The following EML4 variants were observed in gnomAD, a reference collection of about 807,000 sequenced individuals.
EML4 encodes echinoderm microtubule-associated protein-like 4.
In EML4, 72 loss-of-function variants were observed where a neutral mutation model predicts 129.0. The ratio of observed to expected loss-of-function variants is 0.56; its 90% confidence interval spans 0.46 to 0.68. The LOEUF (loss-of-function observed/expected upper bound fraction) is 0.68, where lower values mean the gene tolerates loss of function less well. Among genes scored for constraint, EML4 ranks in the 30% least tolerant of loss-of-function variants. The probability of loss-of-function intolerance (pLI) is 0.00; values close to 1 mark genes in which losing one functional copy is unlikely to be tolerated. For missense variants in EML4, 1,363 were observed against 1,190.6 expected (o/e 1.14, Z -2.13); for synonymous variants, 532 against 405.0 (o/e 1.31, Z -3.77).
At chr2:42,187,273 T>G (rs563387229) in intron 1 of EML4, among the ~76,000 whole-genome samples, 1 of 152,124 alleles carries the variant, frequency 6.6e-6, no homozygotes, top group Non-Finnish European at 1.5e-5. Context: ...GGTCTTGAAC[T>G]CTGGGCTCAA....
chr2:42,191,521 A>T (rs1014755152), intron 1 of EML4, among the ~76,000 whole-genome samples: 1 of 152,162 alleles, frequency 6.6e-6, no homozygotes, highest in African/African-American at 2.4e-5. Context: ...TCTCATTTAG[A>T]ACCAATGTTT....
At chr2:42,329,120 C>T in intron 22 of EML4, 104 bp downstream of exon 22, 2 of 1,161,026 alleles carry the variant, frequency 1.7e-6, no homozygotes, top group Non-Finnish European at 2.4e-6. Context: ...CTCCATGATA[C>T]TCCAGTGCAC....
intron 1 of EML4, among the ~76,000 whole-genome samples, chr2:42,236,652 T>TA (rs1572601596): frequency 1.3e-5 from 2 of 152,208 alleles, no homozygotes; most frequent in African/African-American, 4.8e-5. Flanking sequence ...TGTTGACTCC[T>TA]ACTTTAGGTT....
chr2:42,208,362 A>C (rs1672683803), intron 1 of EML4, among the ~76,000 whole-genome samples: 1 of 151,510 alleles, frequency 6.6e-6, no homozygotes, highest in Non-Finnish European at 1.5e-5. Context: ...TATATTAAAA[A>C]ATTTTTATTT....
rs1460162760 is a variant in EML4, at chr2:42,330,279, G to T, written c.*72G>T. 6 of 1,327,448 alleles carry T rather than the reference G, an allele frequency of 4.5e-6. No individual in the cohort carries two copies. In the African/African-American group the frequency reaches 8.7e-5, roughly 19 times the overall value. The allele number at this position is 1,327,448 out of a possible 1,614,324, so 82.2% of individuals were successfully genotyped here. A position where few individuals can be genotyped will look rare whatever the true frequency, so the allele number is the denominator to read the frequency against. On this transcript the variant is annotated 3_prime_UTR_variant, in exon 23 of 23. Coordinates refer to ENST00000318522, the MANE Select transcript of EML4 (RefSeq NM_019063.5). ...TGTGATAAAGTTCAGGTAACAGGAT[G>T]GGCAGTGATGGAGAATCACTGTTGA... is the stretch of plus-strand genomic sequence containing the variant.
intron 11 of EML4, 32 bp downstream of exon 11, chr2:42,288,354 T>A (rs1314273718): frequency 9.3e-7 from 1 of 1,080,522 alleles, no homozygotes; most frequent in Non-Finnish European, 1.4e-6. Flanking sequence ...TATTGTGTTT[T>A]AGAGTACGTT....
chr2:42,284,039 G>A (rs1667158961), intron 8 of EML4, among the ~76,000 whole-genome samples: 1 of 152,154 alleles, frequency 6.6e-6, no homozygotes, highest in Non-Finnish European at 1.5e-5. Flanking sequence ...GAGTAATTTA[G>A]GCACATATGC....
chr2:42,278,463 A>G (rs1666782672), intron 6 of EML4, among the ~76,000 whole-genome samples: 1 of 150,758 alleles, frequency 6.6e-6, no homozygotes, highest in Non-Finnish European at 1.5e-5. Context: ...AATCCCAGCT[A>G]CTTGGGAGGC....
At chr2:42,289,521 T>C (rs988677691) in intron 11 of EML4, 16 of 152,176 alleles carry the variant, frequency 1.1e-4, no homozygotes. Context: ...TTGAATGTCC[T>C]CTACCACAAA....
intron 1 of EML4, among the ~76,000 whole-genome samples, chr2:42,178,803 G>A (rs764706008): frequency 1.3e-5 from 2 of 152,148 alleles, no homozygotes; most frequent in South Asian, 2.1e-4. Context: ...GCACTATAGC[G>A]CTTCTAAAGT....
intron 1 of EML4, among the ~76,000 whole-genome samples, chr2:42,236,201 G>T (rs1243945590): frequency 6.6e-6 from 1 of 152,112 alleles, no homozygotes; most frequent in Non-Finnish European, 1.5e-5. Context: ...AATTTCACCT[G>T]ACTTGCTCTT....
chr2:42,259,519 TAAATG>T (rs1665574166), intron 3 of EML4, among the ~76,000 whole-genome samples: 1 of 152,088 alleles, frequency 6.6e-6, no homozygotes, highest in Non-Finnish European at 1.5e-5. Context: ...CATCACTTTT[TAAATG>T]AAAGACCAAA....
At chr2:42,210,167 T>C (rs1672805875) in intron 1 of EML4, among the ~76,000 whole-genome samples, 1 of 152,198 alleles carries the variant, frequency 6.6e-6, no homozygotes, top group Admixed American at 6.5e-5. Flanking sequence ...CTAGTGCCTC[T>C]TTTCTCTTCC....
rs143546985 is a variant in EML4 at position 42,212,678 on chromosome 2, T to G, written c.26-32827T>G. 5.2e-4 allele frequency among the ~76,000 whole-genome samples: 79 copies of G among 152,352 alleles called. No individual in the cohort carries two copies. The East Asian group carries it at 0.013, about 25-fold the overall frequency. ...AGATACACTTACTGTATGTCCACAT[T>G]ATTCACTGCTACAGTAAGGCAGATA... On this transcript the variant is annotated intron_variant, in intron 1 of 22. Transcript: ENST00000318522.
At chr2:42,207,614 A>G (rs1672637988) in intron 1 of EML4, among the ~76,000 whole-genome samples, 2 of 152,152 alleles carry the variant, frequency 1.3e-5, no homozygotes, top group Admixed American at 1.3e-4. Context: ...TTAACAGGCA[A>G]CTTATGAGGG....
At chr2:42,299,605 G>C (rs1668164012) in intron 13 of EML4, among the ~76,000 whole-genome samples, 1 of 152,126 alleles carries the variant, frequency 6.6e-6, no homozygotes, top group African/African-American at 2.4e-5. Context: ...AGATTTACTT[G>C]TTGATGACAT....
intron 14 of EML4, 38 bp downstream of exon 14, chr2:42,301,430 C>T: frequency 6.7e-7 from 1 of 1,490,604 alleles, no homozygotes. Context: ...ATTAAATACT[C>T]TAAACTCAGG....
intron 1 of EML4, among the ~76,000 whole-genome samples, chr2:42,181,585 C>A (rs993553262): frequency 6.6e-6 from 1 of 152,106 alleles, no homozygotes; most frequent in African/African-American, 2.4e-5. Context: ...TGTGAGCCAC[C>A]GCGCCTGGCC....
intron 1 of EML4, among the ~76,000 whole-genome samples, chr2:42,186,957 C>T (rs1671284611): frequency 6.6e-6 from 1 of 151,290 alleles, no homozygotes; most frequent in Non-Finnish European, 1.5e-5. Context: ...GTAGTCAGCC[C>T]CTTCCCTCTA....
Sources: allele counts gnomAD v4.1 joint callset (sites outside exome capture counted in the v4.1 genomes callset), GRCh38; gene constraint gnomAD v4.1.1; transcripts MANE v1.5; gene names NCBI Gene and HGNC (gene_info 2026-07-23, HGNC 2026-07-21).